UBR1: variants seen among roughly 807,000 people sequenced by gnomAD.
The protein encoded by UBR1 is E3 ubiquitin-protein ligase UBR1.
A neutral mutation model predicts 242.1 loss-of-function variants in UBR1; 102 were observed. The ratio of observed to expected loss-of-function variants is 0.42; its 90% CI spans 0.36 to 0.50. The LOEUF is 0.50. Among genes scored for constraint, UBR1 ranks in the 20% least tolerant of loss-of-function variants. The probability of loss-of-function intolerance (pLI) is 0.01; values close to 1 mark genes in which losing one functional copy is unlikely to be tolerated. For synonymous variants in UBR1, 675 were observed against 684.8 expected (o/e 0.99, Z 0.22); for missense variants, 1,772 against 2,101.8 (o/e 0.84, Z 3.07).
At chr15:42,956,342 G>C (rs900143578) in intron 44 of UBR1, among the ~76,000 whole-genome samples, 24 of 152,126 alleles carry the variant, frequency 1.6e-4, no homozygotes, top group Admixed American at 1.6e-3. Context: ...TTGAGACATA[G>C]TCTCATTCAC....
chr15:43,006,958 T>C, intron 30 of UBR1, 121 bp downstream of exon 30: 1 of 903,982 alleles, frequency 1.1e-6, no homozygotes. Flanking sequence ...CTTTCTTAAA[T>C]ATGATAATGG....
At chr15:42,991,820 A>G (rs929828716) in intron 33 of UBR1, among the ~76,000 whole-genome samples, 2 of 151,890 alleles carry the variant, frequency 1.3e-5, no homozygotes, top group Non-Finnish European at 2.9e-5. Flanking sequence ...AGCTCACTGT[A>G]ACTTCAAACT....
chr15:43,085,115 C>T (rs1452678224), intron 2 of UBR1, among the ~76,000 whole-genome samples: 1 of 152,222 alleles, frequency 6.6e-6, no homozygotes, highest in East Asian at 1.9e-4. Context: ...TTATGCCAGA[C>T]TCTGAAATCC....
intron 26 of UBR1, among the ~76,000 whole-genome samples, 187 bp downstream of exon 26, chr15:43,022,515 G>A (rs1055105492): frequency 6.6e-6 from 1 of 151,352 alleles, no homozygotes; most frequent in Non-Finnish European, 1.5e-5. Context: ...AAATATATTA[G>A]TATACTTGAA....
intron 29 of UBR1, among the ~76,000 whole-genome samples, chr15:43,010,280 A>G (rs1259427966): frequency 6.6e-6 from 1 of 152,146 alleles, no homozygotes; most frequent in Non-Finnish European, 1.5e-5. Flanking sequence ...ACAAGGTTCT[A>G]GTGGGCGCAG....
chr15:42,997,161 T>C (rs1044377983), intron 33 of UBR1, among the ~76,000 whole-genome samples: 2 of 152,160 alleles, frequency 1.3e-5, no homozygotes, highest in African/African-American at 4.8e-5. Context: ...CATTAGATTC[T>C]CATAGGAGCG....
intron 44 of UBR1, among the ~76,000 whole-genome samples, chr15:42,953,706 G>A (rs2031870601): frequency 6.6e-6 from 1 of 152,152 alleles, no homozygotes; most frequent in Admixed American, 6.5e-5. Context: ...CAACACTAGG[G>A]ATGGTTCTGT....
At chr15:43,036,464 T>C (rs2033336674) in intron 18 of UBR1, 64 bp downstream of exon 18, 1 of 1,344,586 alleles carries the variant, frequency 7.4e-7, no homozygotes, top group Non-Finnish European at 1.1e-6. Flanking sequence ...TTATCTTCTC[T>C]CCTTAGAAAG....
chr15:43,035,273 T>C (rs1215650152), intron 19 of UBR1, among the ~76,000 whole-genome samples: 1 of 152,248 alleles, frequency 6.6e-6, no homozygotes, highest in Non-Finnish European at 1.5e-5. Flanking sequence ...GCAGTGTTTT[T>C]CATGTGATTT....
intron 12 of UBR1, among the ~76,000 whole-genome samples, chr15:43,048,958 C>G (rs138342871): frequency 2.2e-4 from 34 of 152,300 alleles, no homozygotes; most frequent in Non-Finnish European, 4.4e-4. Flanking sequence ...ACTTGCACAT[C>G]AGGATGTACT....
At chr15:43,051,637 G>A (rs926919393) in intron 12 of UBR1, among the ~76,000 whole-genome samples, 29 of 152,138 alleles carry the variant, frequency 1.9e-4, no homozygotes, top group African/African-American at 6.8e-4. Flanking sequence ...ATTAAAATCT[G>A]AGAAGCACTG....
chr15:43,004,837 C>T (rs1362935167), intron 30 of UBR1, among the ~76,000 whole-genome samples: 4 of 152,058 alleles, frequency 2.6e-5, no homozygotes, highest in Admixed American at 6.5e-5. Context: ...TGCCTGGCCG[C>T]CCATCGTCTG....
At chr15:43,076,717 C>A (rs866514072) in intron 3 of UBR1, among the ~76,000 whole-genome samples, 3 of 146,504 alleles carry the variant, frequency 2.0e-5, no homozygotes, top group East Asian at 2.1e-4. Context: ...GCAGCCACCC[C>A]GTCTGGGAAG....
chr15:42,950,321 T>C lies in UBR1; in HGVS notation c.5049A>G (p.Arg1683=), dbSNP rs2031812225. 1.2e-6 allele frequency: 2 copies of C among 1,614,180 alleles called. No homozygotes were observed. The highest frequency in any genetic ancestry group is 1.3e-5 in the African/African-American group (1 of 75,048). The change falls in exon 46 of 47, where the codon AGA becomes AGG. Residue 1683 remains arginine, a synonymous_variant. Transcript: ENST00000290650. ...CRVVLVEGKA[R]GCAYPAPYLD... ...AGTAAGGAGCTGGATAGGCACAGCC[T>C]CTGGCTTTACCTTCAACCAGGACCA...
chr15:43,070,753 T>TA (rs1238237171), intron 5 of UBR1, 42 bp downstream of exon 5: 1 of 1,609,546 alleles, frequency 6.2e-7, no homozygotes, highest in Non-Finnish European at 8.5e-7. Flanking sequence ...GCAATACAAA[T>TA]AACCATCACT....
At chr15:42,990,749 T>G (rs1438978087) in intron 33 of UBR1, among the ~76,000 whole-genome samples, 1 of 152,218 alleles carries the variant, frequency 6.6e-6, no homozygotes. Context: ...ACTGCATAAA[T>G]GTTCTCTTGA....
intron 6 of UBR1, among the ~76,000 whole-genome samples, chr15:43,063,750 G>A (rs916624491): frequency 1.3e-5 from 2 of 151,594 alleles, no homozygotes; most frequent in Non-Finnish European, 2.9e-5. Flanking sequence ...TTTTTGAGAT[G>A]GAGTTTCGTT....
chr15:43,044,983 A>T (rs1045229343), intron 14 of UBR1, among the ~76,000 whole-genome samples: 2 of 152,230 alleles, frequency 1.3e-5, no homozygotes, highest in Non-Finnish European at 2.9e-5. Context: ...TGAATCTTAC[A>T]TGAACCCAGA....
intron 39 of UBR1, 136 bp downstream of exon 39, chr15:42,976,581 A>T: frequency 3.0e-6 from 3 of 1,006,560 alleles, no homozygotes; most frequent in South Asian, 1.4e-5. Flanking sequence ...AGTATCCATT[A>T]AAAAACAGAT....
Sources: gnomAD v4.1 joint callset for allele counts (sites outside exome capture counted in the v4.1 genomes callset) on GRCh38, gnomAD v4.1.1 for gene constraint, MANE v1.5 for transcripts, NCBI Gene and HGNC (gene_info 2026-07-23, HGNC 2026-07-21) for gene names.